The following CNDP1 variants were observed in gnomAD, a reference collection of about 807,000 sequenced individuals.
The protein encoded by CNDP1 is beta-Ala-His dipeptidase.
A neutral mutation model predicts 58.1 loss-of-function variants in CNDP1; 44 were observed. That is an observed-to-expected ratio of 0.76 (90% CI 0.60 to 0.97). CNDP1 has a LOEUF of 0.97. CNDP1 is among the 50% of genes least tolerant of loss of function. The pLI is 0.00. For synonymous variants in CNDP1, 254 were observed against 252.6 expected (o/e 1.01, Z -0.05); for missense variants, 616 against 655.1 (o/e 0.94, Z 0.65).
rs776999829 is a variant in CNDP1 at position 74,576,982 on chromosome 18, G to A, written c.955G>A (p.Glu319Lys). The change falls in exon 8 of 12, where the codon GAA (glutamate) becomes AAA (lysine). Residue 319 changes from glutamate to lysine, a missense_variant. Coordinates refer to ENST00000358821, the MANE Select transcript of CNDP1 (RefSeq NM_032649.6). ...TYKAIHLDLE[E>K]YRNSSRVEKF... is the part of the protein sequence containing the mutation. Reference sequence around the variant, plus strand: ...CAAAGCCATCCATCTAGACCTAGAAGAATACCGGAATAGCAGCCGGGTTGA... The same window carrying A: ...CAAAGCCATCCATCTAGACCTAGAAAAATACCGGAATAGCAGCCGGGTTGA... 1.9e-6 allele frequency: 3 copies of A among 1,613,284 alleles called. No homozygotes were observed. The South Asian group carries it at 3.3e-5, about 18-fold the overall frequency.
intron 8 of CNDP1, 90 bp downstream of exon 8, chr18:74,577,119 T>G: frequency 1.7e-6 from 2 of 1,179,368 alleles, no homozygotes; most frequent in Non-Finnish European, 2.3e-6. Flanking sequence ...CTGGTGCTAA[T>G]CTCCGTATCT....
In CNDP1 at chr18:74,583,607, A is replaced by C. The variant is rs753682223; in HGVS notation, c.1356A>C (p.Pro452=). The C allele has an allele frequency of 6.2e-7, 1 of 1,614,144 alleles. No individual in the cohort carries two copies. The highest frequency in any genetic ancestry group is 8.5e-7 in the Non-Finnish European group (1 of 1,179,996). The part of the protein sequence containing the change: ...PDMIRDGSTI[P]IAKMFQEIVH... Reference sequence around the variant, plus strand: ...TGATCCGGGATGGATCCACCATTCCAATTGCCAAAATGTTCCAGGAGATCG... The same window carrying C: ...TGATCCGGGATGGATCCACCATTCCCATTGCCAAAATGTTCCAGGAGATCG... Residue 452 remains proline, a synonymous_variant, in exon 11 of 12, where the codon CCA becomes CCC. Transcript: ENST00000358821.
chr18:74,587,042 G>A lies in CNDP1; in HGVS notation c.*2480G>A, dbSNP rs1391093306. On this transcript the variant is annotated 3_prime_UTR_variant, in exon 12 of 12. Coordinates refer to ENST00000358821, the MANE Select transcript of CNDP1 (RefSeq NM_032649.6). ...CTTTGTTGTATTGGAGGAGGGCAAT[G>A]TATCTGGCTTTGTTAGTAGACGTAG... 6.6e-6 allele frequency: 1 copy of A among 152,240 alleles called. No individual in the cohort carries two copies. Among genetic ancestry groups the A allele is most frequent in the African/African-American group, 2.4e-5 (1 of 41,454 alleles). 9.4% of individuals were successfully genotyped at this position (152,240 alleles called of 1,614,324 possible).
In CNDP1 at chr18:74,556,467, G is replaced by A; in HGVS notation, c.153+1G>A. The A allele has an allele frequency of 1.2e-6, 2 of 1,614,140 alleles. No homozygotes were observed. Among genetic ancestry groups the A allele is most frequent in the South Asian group, 2.2e-5 (2 of 91,062 alleles). On this transcript the variant is annotated splice_donor_variant, in intron 2 of 11. Coordinates refer to ENST00000358821, the MANE Select transcript of CNDP1 (RefSeq NM_032649.6). LOFTEE classifies it high-confidence loss of function. ...CCTCCATCAGGATGAATTTGTGCAG[G>A]TAGGAGAAAGAAACTACACAACTAC... is the stretch of plus-strand genomic sequence containing the variant.
intron 10 of CNDP1, among the ~76,000 whole-genome samples, chr18:74,581,569 C>T (rs939179951): frequency 1.8e-4 from 28 of 152,174 alleles, no homozygotes; most frequent in Admixed American, 5.9e-4. Flanking sequence ...GTGGTCTCTT[C>T]ACAATGCCAC....
At chr18:74,549,155 G>T (rs1980835768) in intron 1 of CNDP1, among the ~76,000 whole-genome samples, 1 of 152,170 alleles carries the variant, frequency 6.6e-6, no homozygotes, top group African/African-American at 2.4e-5. Flanking sequence ...CATCACTCTA[G>T]TATATTGACT....
chr18:74,584,360 G>A (rs1014713961), intron 11 of CNDP1, 136 bp from the exon 12 acceptor site: 49 of 632,244 alleles, frequency 7.8e-5, no homozygotes, highest in African/African-American at 7.5e-4. Context: ...TTTCATACTG[G>A]GATCTCAGAA....
chr18:74,551,110 G>A (rs749276140), intron 1 of CNDP1, among the ~76,000 whole-genome samples: 54 of 152,116 alleles, frequency 3.5e-4, no homozygotes, highest in Non-Finnish European at 7.1e-4. Context: ...GCACCTCCCC[G>A]ATCCCTCTTG....
chr18:74,564,192 TAC>T (rs1239143927), intron 5 of CNDP1, among the ~76,000 whole-genome samples: 10 of 152,226 alleles, frequency 6.6e-5, no homozygotes, highest in African/African-American at 2.4e-4. Flanking sequence ...TAGAACTGAT[TAC>T]AGTGTGTGCG....
At chr18:74,561,645 T>G (rs1568296342) in intron 4 of CNDP1, 1 of 187,960 alleles carries the variant, frequency 5.3e-6, no homozygotes, top group Non-Finnish European at 1.1e-5. Flanking sequence ...AATAGAGATA[T>G]ACACACATCT....
At position 74,562,143 on chromosome 18, in the gene CNDP1, G is replaced by C. The variant is rs1233546399; in HGVS notation, c.555+8G>C. ...TTCAGAGCCCTGGAGCAAGTAGGTG[G>C]CAGCTGTGTTTGGGAGAGAGGAGGA... is the stretch of plus-strand genomic sequence containing the variant. On this transcript the variant is annotated splice_region_variant and intron_variant, in intron 5 of 11. Transcript: ENST00000358821. 1 of 1,613,682 alleles carries C rather than the reference G, an allele frequency of 6.2e-7. No individual in the cohort carries two copies. The highest frequency in any genetic ancestry group is 1.7e-5 in the Admixed American group (1 of 60,018).
Position 74,534,541 on chromosome 18 carries a change from G to T in CNDP1, c.-127G>T. The T allele has an allele frequency of 1.0e-6, 1 of 958,758 alleles. No homozygotes were observed. The highest frequency in any genetic ancestry group is 1.6e-6 in the Non-Finnish European group (1 of 606,378). 59.4% of individuals were successfully genotyped at this position (958,758 alleles called of 1,614,324 possible). On this transcript the variant is annotated 5_prime_UTR_variant, in exon 1 of 12. Coordinates refer to ENST00000358821, the MANE Select transcript of CNDP1 (RefSeq NM_032649.6). ...ACTATACCAGCCTCGTCTTCCTTCC[G>T]GGGGACAACGTGGGTCAGGGCACAG...
intron 1 of CNDP1, among the ~76,000 whole-genome samples, chr18:74,535,149 G>C (rs977028853): frequency 6.6e-6 from 1 of 152,196 alleles, no homozygotes; most frequent in African/African-American, 2.4e-5. Flanking sequence ...GCCTTTCTCG[G>C]CGAGGTTTCC....
chr18:74,570,289 G>C (rs1321577841), intron 6 of CNDP1, among the ~76,000 whole-genome samples: 1 of 151,722 alleles, frequency 6.6e-6, no homozygotes, highest in Non-Finnish European at 1.5e-5. Flanking sequence ...TAATGAACCA[G>C]TCCAGGGAGA....
chr18:74,562,948 C>T (rs1009627449), intron 5 of CNDP1, among the ~76,000 whole-genome samples: 1 of 152,176 alleles, frequency 6.6e-6, no homozygotes, highest in African/African-American at 2.4e-5. Flanking sequence ...AATGTGTGCA[C>T]TCCTCCAGGT....
intron 11 of CNDP1, 111 bp downstream of exon 11, chr18:74,583,819 A>G: frequency 9.2e-7 from 1 of 1,086,336 alleles, no homozygotes; most frequent in Non-Finnish European, 1.3e-6. Context: ...AAAATCGTCC[A>G]GACTGGGAGC....
chr18:74,555,770 G>A (rs901039883), intron 1 of CNDP1, among the ~76,000 whole-genome samples: 10 of 152,006 alleles, frequency 6.6e-5, no homozygotes, highest in Non-Finnish European at 1.2e-4. Flanking sequence ...CAAGTGATCC[G>A]CCCACCTCGA....
chr18:74,558,729 A>C (rs988641809), intron 2 of CNDP1, among the ~76,000 whole-genome samples: 7 of 152,156 alleles, frequency 4.6e-5, no homozygotes, highest in Admixed American at 4.6e-4. Context: ...GAGAAAACTC[A>C]GGCTAAGGGA....
chr18:74,579,136 C>T (rs1305931959), intron 9 of CNDP1, among the ~76,000 whole-genome samples: 4 of 150,284 alleles, frequency 2.7e-5, no homozygotes, highest in Admixed American at 1.3e-4. Context: ...CCTTCCTTCC[C>T]TGCCTCTCTC....
Sources: allele counts gnomAD v4.1 joint callset (sites outside exome capture counted in the v4.1 genomes callset), GRCh38; gene constraint gnomAD v4.1.1; transcripts MANE v1.5; gene names NCBI Gene and HGNC (gene_info 2026-07-23, HGNC 2026-07-21).